Variants in ADAMTS18 observed in about 807,000 individuals in gnomAD.
The protein encoded by ADAMTS18 is ADAM metallopeptidase with thrombospondin type 1 motif 18.
In ADAMTS18, 157 loss-of-function variants were observed where a neutral mutation model predicts 165.9. The ratio of observed to expected loss-of-function variants is 0.95; its 90% CI spans 0.83 to 1.08. The LOEUF is 1.08. ADAMTS18 is among the 50% of genes least tolerant of loss of function. ADAMTS18 has a pLI of 0.00. For missense variants in ADAMTS18, 2,040 were observed against 1,534.0 expected (o/e 1.33, Z -5.51); for synonymous variants, 782 against 578.2 (o/e 1.35, Z -5.06).
Position 77,371,218 on chromosome 16 carries a change from T to G in ADAMTS18, c.496-3495A>C, listed in dbSNP as rs905365456. On this transcript the variant is annotated intron_variant, in intron 3 of 22. Coordinates refer to ENST00000282849, the MANE Select transcript of ADAMTS18 (RefSeq NM_199355.4). Reference sequence around the variant, plus strand: ...TGACAGAGCAAGACTCTGACTCAATTAAAAACAAAAACAAAAACAAAAACA... The same window carrying G: ...TGACAGAGCAAGACTCTGACTCAATGAAAAACAAAAACAAAAACAAAAACA... Among the ~76,000 whole-genome samples, 4 of 149,574 alleles carry G rather than the reference T, an allele frequency of 2.7e-5. No homozygotes were observed. In the East Asian group the frequency reaches 7.9e-4, roughly 29 times the overall value.
In ADAMTS18 at chr16:77,387,012, C is replaced by G. The variant is rs371415142; in HGVS notation, c.496-19289G>C. 2.0e-5 allele frequency among the ~76,000 whole-genome samples: 3 copies of G among 152,282 alleles called. No homozygotes were observed. In the East Asian group the frequency reaches 5.8e-4, roughly 29 times the overall value. On this transcript the variant is annotated intron_variant, in intron 3 of 22. Transcript: ENST00000282849. ...GTAGCATCCAAAATGTCACTCCAAA[C>G]AGATGCTGGGGATGACAGCAGAGGG...
intron 3 of ADAMTS18, among the ~76,000 whole-genome samples, chr16:77,403,296 T>C (rs536848081): frequency 7.9e-5 from 12 of 152,348 alleles, no homozygotes; most frequent in Middle Eastern, 3.4e-3. Context: ...CCAGCACTTA[T>C]TGAGCATCCT....
In ADAMTS18 at chr16:77,367,582, G is replaced by A. The variant is rs35701343; in HGVS notation, c.637C>T (p.Arg213Trp). ...CCAGAGCCGGGGTAGCCACGGTACC[G>A]CTGGATCTTCTCCTCTGCTGTCCTT... is the stretch of plus-strand genomic sequence containing the variant. ...YKRTAEEKIQ[R>W]YRGYPGSGRN... Residue 213 changes from arginine to tryptophan, a missense_variant, in exon 4 of 23, where the codon CGG becomes TGG. Coordinates refer to ENST00000282849, the MANE Select transcript of ADAMTS18 (RefSeq NM_199355.4). 13,596 of 1,614,208 alleles carry A rather than the reference G, an allele frequency of 8.4e-3. 66 individuals are homozygous for A. The highest frequency in any genetic ancestry group is 0.01 in the Non-Finnish European group (11,919 of 1,180,028).
At chr16:77,297,503 G>A in intron 17 of ADAMTS18, 88 bp from the exon 18 acceptor site, 1 of 1,364,098 alleles carries the variant, frequency 7.3e-7, no homozygotes, top group South Asian at 1.2e-5. Flanking sequence ...TACCAGCATT[G>A]TGATATTTTA....
chr16:77,389,420 G>A (rs964898807), intron 3 of ADAMTS18, among the ~76,000 whole-genome samples: 5 of 152,182 alleles, frequency 3.3e-5, no homozygotes, highest in Admixed American at 3.3e-4. Context: ...TGTGGGAGTG[G>A]CATGGTGTTA....
intron 9 of ADAMTS18, among the ~76,000 whole-genome samples, chr16:77,355,346 C>G (rs1178376676): frequency 1.3e-5 from 2 of 152,048 alleles, no homozygotes; most frequent in African/African-American, 4.8e-5. Context: ...TTTTATATAG[C>G]TACCATCTTC....
intron 17 of ADAMTS18, 99 bp downstream of exon 17, chr16:77,300,164 G>T (rs984626551): frequency 2.0e-5 from 28 of 1,396,340 alleles, no homozygotes; most frequent in African/African-American, 5.7e-5. Flanking sequence ...ACAGTTCTTG[G>T]GTGGCTTATT....
chr16:77,427,525 T>C (rs1339791184), intron 3 of ADAMTS18, among the ~76,000 whole-genome samples: 1 of 152,234 alleles, frequency 6.6e-6, no homozygotes, highest in Non-Finnish European at 1.5e-5. Context: ...TAGATTAGGT[T>C]AATCTGTACC....
At chr16:77,382,224 T>C (rs1346675603) in intron 3 of ADAMTS18, among the ~76,000 whole-genome samples, 1 of 127,452 alleles carries the variant, frequency 7.8e-6, no homozygotes, top group African/African-American at 2.5e-5. Flanking sequence ...TGTTTGTTTG[T>C]TTTTTTGAGA....
chr16:77,315,303 T>G (rs1412937590), intron 16 of ADAMTS18, among the ~76,000 whole-genome samples: 1 of 152,186 alleles, frequency 6.6e-6, no homozygotes, highest in Non-Finnish European at 1.5e-5. Flanking sequence ...ACAGAGGGTC[T>G]CAAATGTCAT....
chr16:77,362,337 C>T, intron 6 of ADAMTS18, 73 bp from the exon 7 acceptor site: 2 of 1,506,012 alleles, frequency 1.3e-6, no homozygotes, highest in Non-Finnish European at 9.2e-7. Flanking sequence ...TCCATTTGTA[C>T]AGGCAAACAC....
intron 7 of ADAMTS18, among the ~76,000 whole-genome samples, chr16:77,360,600 CAT>C (rs1477810926): frequency 1.3e-5 from 2 of 152,106 alleles, no homozygotes; most frequent in African/African-American, 4.8e-5. Flanking sequence ...ACTGGATTAT[CAT>C]ATGTCACTTT....
intron 3 of ADAMTS18, among the ~76,000 whole-genome samples, chr16:77,372,495 ACAT>A (rs1181462389): frequency 5.3e-5 from 8 of 152,372 alleles, no homozygotes; most frequent in African/African-American, 1.7e-4. Context: ...TGTGGCATCG[ACAT>A]GATGTGTAGA....
At chr16:77,287,195 G>A (rs1461409112) in intron 22 of ADAMTS18, among the ~76,000 whole-genome samples, 1 of 152,168 alleles carries the variant, frequency 6.6e-6, no homozygotes, top group South Asian at 2.1e-4. Context: ...CTGGTCCACA[G>A]TGGGGGGCTC....
Position 77,312,994 on chromosome 16 carries a change from C to T in ADAMTS18, c.2532+6855G>A, listed in dbSNP as rs888395315. ...ATGCTGCTATAAAGACACACACACACGTATATTTATTGCGGCACTATTCAC... is the reference window on the plus strand; with the variant it reads ...ATGCTGCTATAAAGACACACACACATGTATATTTATTGCGGCACTATTCAC... On this transcript the variant is annotated intron_variant, in intron 16 of 22. Transcript: ENST00000282849. Among the ~76,000 whole-genome samples the T allele has an allele frequency of 2.6e-5, 4 of 152,254 alleles. No individual in the cohort carries two copies. The South Asian group carries it at 6.2e-4, about 24-fold the overall frequency.
Position 77,434,435 on chromosome 16 carries a change from G to A in ADAMTS18, c.161C>T (p.Ala54Val), listed in dbSNP as rs1321367196. ...AALASDSSSG[A>V]SGLNDDYVFV... The stretch of plus-strand genomic sequence containing the variant: ...ATACGAACCATCATTTAATCCGCTG[G>A]CGCCGCTGCTGCTGTCACTGGCTAA... Residue 54 changes from alanine to valine, a missense_variant, in exon 2 of 23, where the codon GCC (alanine) becomes GTC (valine). Physicochemically the swap from Ala to Val is moderately conservative, Grantham distance 64. Transcript: ENST00000282849. The A allele has an allele frequency of 2.0e-5, 31 of 1,572,624 alleles. No homozygotes were observed. The highest frequency in any genetic ancestry group is 2.4e-5 in the Non-Finnish European group (28 of 1,165,474).
intron 16 of ADAMTS18, among the ~76,000 whole-genome samples, chr16:77,317,303 G>C (rs113392365): frequency 1.1e-3 from 174 of 152,250 alleles, no homozygotes; most frequent in African/African-American, 4.1e-3. Context: ...CTCAAGAGCA[G>C]CTCAGTGCAT....
intron 3 of ADAMTS18, among the ~76,000 whole-genome samples, chr16:77,370,790 G>T (rs933628135): frequency 3.4e-5 from 5 of 147,010 alleles, no homozygotes; most frequent in South Asian, 4.3e-4. Context: ...TAATAGCTAC[G>T]ATATATATAT....
At chr16:77,346,475 AAAT>A (rs1402019753) in intron 10 of ADAMTS18, among the ~76,000 whole-genome samples, 1 of 152,202 alleles carries the variant, frequency 6.6e-6, no homozygotes, top group East Asian at 1.9e-4. Context: ...GAATTAAAAA[AAAT>A]AATAACATGA....
Sources: gnomAD v4.1 joint callset for allele counts (sites outside exome capture counted in the v4.1 genomes callset) on GRCh38, gnomAD v4.1.1 for gene constraint, MANE v1.5 for transcripts, NCBI Gene and HGNC (gene_info 2026-07-23, HGNC 2026-07-21) for gene names.